HMGA2: variants seen among roughly 807,000 people sequenced by gnomAD.
HMGA2 encodes high mobility group protein HMGI-C.
HMGA2 carries 8 observed loss-of-function variants against 19.1 expected under a neutral mutation model. That is an observed-to-expected ratio of 0.42 (90% CI 0.25 to 0.76). HMGA2 has a LOEUF of 0.76. HMGA2 is among the 30% of genes least tolerant of loss of function. HMGA2 has a pLI of 0.28. For synonymous variants in HMGA2, 60 were observed against 48.8 expected (o/e 1.23, Z -0.96); for missense variants, 109 against 136.3 (o/e 0.80, Z 1.00).
At chr12:65,888,970 C>T (rs1427706808) in intron 3 of HMGA2, among the ~76,000 whole-genome samples, 1 of 152,074 alleles carries the variant, frequency 6.6e-6, no homozygotes, top group Non-Finnish European at 1.5e-5. Context: ...CTGCTCTTTC[C>T]ACCAATAATC....
chr12:65,834,523 C>T (rs1870619385), intron 2 of HMGA2, among the ~76,000 whole-genome samples: 1 of 149,824 alleles, frequency 6.7e-6, no homozygotes, highest in Non-Finnish European at 1.5e-5. Flanking sequence ...TCCCTCCCTC[C>T]CTTCTTCCTC....
chr12:65,865,332 T>C (rs910436219), intron 3 of HMGA2, among the ~76,000 whole-genome samples: 1 of 152,292 alleles, frequency 6.6e-6, no homozygotes, highest in Non-Finnish European at 1.5e-5. Flanking sequence ...ACCCCTGCAT[T>C]GTTGAAGGGT....
intron 3 of HMGA2, among the ~76,000 whole-genome samples, chr12:65,848,743 C>T (rs957318389): frequency 1.3e-5 from 2 of 152,088 alleles, no homozygotes; most frequent in Admixed American, 1.3e-4. Context: ...GTAGTCCCAG[C>T]TACTCGGGAG....
At chr12:65,838,982 C>CTTTTTTTTTTTTTTTTTTT (rs761437964) in intron 3 of HMGA2, among the ~76,000 whole-genome samples, 5 of 103,128 alleles carry the variant, frequency 4.8e-5, no homozygotes, top group African/African-American at 3.5e-4. Flanking sequence ...TTTTCTTTTT[C>CTTTTTTTTTTTTTTTTTTT]TTTCTTTTTC....
At chr12:65,943,340 G>T (rs1876154759) in intron 3 of HMGA2, among the ~76,000 whole-genome samples, 1 of 152,106 alleles carries the variant, frequency 6.6e-6, no homozygotes, top group Non-Finnish European at 1.5e-5. Flanking sequence ...TTCCAAAGGT[G>T]TCTGAAAGGC....
chr12:65,848,618 A>C (rs1871323392), intron 3 of HMGA2, among the ~76,000 whole-genome samples: 1 of 152,164 alleles, frequency 6.6e-6, no homozygotes, highest in Non-Finnish European at 1.5e-5. Context: ...GCACTTTGGG[A>C]GGCCGAGGCG....
At chr12:65,886,240 A>T (rs1269795459) in intron 3 of HMGA2, among the ~76,000 whole-genome samples, 1 of 152,172 alleles carries the variant, frequency 6.6e-6, no homozygotes, top group Non-Finnish European at 1.5e-5. Context: ...TAAGAGACTG[A>T]GTGGAATTTA....
At chr12:65,938,913 C>G (rs1315213103) in intron 3 of HMGA2, among the ~76,000 whole-genome samples, 1 of 152,110 alleles carries the variant, frequency 6.6e-6, no homozygotes, top group Non-Finnish European at 1.5e-5. Context: ...ATCCTCTCAC[C>G]TCATCCTCCC....
chr12:65,953,522 A>G (rs1238412301), intron 4 of HMGA2: 1 of 152,234 alleles, frequency 6.6e-6, no homozygotes, highest in Non-Finnish European at 1.5e-5. Flanking sequence ...GATTATTAAT[A>G]TGGCTAGAAC....
At chr12:65,887,931 C>T (rs1210732440) in intron 3 of HMGA2, among the ~76,000 whole-genome samples, 1 of 151,386 alleles carries the variant, frequency 6.6e-6, no homozygotes, top group East Asian at 1.9e-4. Flanking sequence ...TCTAATTGCC[C>T]CTTCCTTGCC....
At chr12:65,845,528 A>G (rs1250131301) in intron 3 of HMGA2, among the ~76,000 whole-genome samples, 1 of 152,074 alleles carries the variant, frequency 6.6e-6, no homozygotes, top group African/African-American at 2.4e-5. Context: ...CTCAGCCTCC[A>G]AAAGTGTTGG....
At chr12:65,890,735 T>G (rs1873868239) in intron 3 of HMGA2, among the ~76,000 whole-genome samples, 1 of 151,810 alleles carries the variant, frequency 6.6e-6, no homozygotes, top group Non-Finnish European at 1.5e-5. Flanking sequence ...TTCTTTTTTT[T>G]TTTTTTTGAG....
At chr12:65,862,710 A>C (rs747615740) in intron 3 of HMGA2, among the ~76,000 whole-genome samples, 2 of 152,198 alleles carry the variant, frequency 1.3e-5, no homozygotes, top group Non-Finnish European at 2.9e-5. Context: ...TGAAACACTC[A>C]TGTACTTAGT....
intron 3 of HMGA2, among the ~76,000 whole-genome samples, chr12:65,902,023 G>T (rs372430938): frequency 6.6e-6 from 1 of 152,142 alleles, no homozygotes; most frequent in South Asian, 2.1e-4. Flanking sequence ...ACTTTGTAAA[G>T]ACTTTCCTTA....
intron 3 of HMGA2, among the ~76,000 whole-genome samples, chr12:65,907,068 C>T (rs1423470609): frequency 6.6e-6 from 1 of 152,028 alleles, no homozygotes; most frequent in African/African-American, 2.4e-5. Context: ...TACCTGAAAA[C>T]GAGTGGGAGC....
chr12:65,907,985 C>T (rs1459132839), intron 3 of HMGA2, among the ~76,000 whole-genome samples: 2 of 152,142 alleles, frequency 1.3e-5, no homozygotes, highest in African/African-American at 4.8e-5. Context: ...CACTTAATTA[C>T]TCAAATCTTT....
At chr12:65,887,129 C>A (rs965353858) in intron 3 of HMGA2, among the ~76,000 whole-genome samples, 2 of 152,280 alleles carry the variant, frequency 1.3e-5, no homozygotes, top group South Asian at 2.1e-4. Flanking sequence ...CTGACTCCCC[C>A]CCTCATAAAA....
At chr12:65,923,491 C>T (rs1397667640) in intron 3 of HMGA2, among the ~76,000 whole-genome samples, 1 of 152,184 alleles carries the variant, frequency 6.6e-6, no homozygotes, top group African/African-American at 2.4e-5. Context: ...TAAGCTGGTA[C>T]AGTAGTGAGC....
At chr12:65,830,810 GATTTATATAATATGTAAAACAAAGAC>G (rs1592371409) in intron 2 of HMGA2, 1 of 151,804 alleles carries the variant, frequency 6.6e-6, no homozygotes, top group Admixed American at 6.6e-5. Context: ...GTAGAAAATT[GATTTATATAATATGTAAAACAAAGAC>G]ATTTATAAGA....
Sources: gnomAD v4.1 joint callset for allele counts (sites outside exome capture counted in the v4.1 genomes callset) on GRCh38, gnomAD v4.1.1 for gene constraint, MANE v1.5 for transcripts, NCBI Gene and HGNC (gene_info 2026-07-23, HGNC 2026-07-21) for gene names.